Variants in SLK observed in about 807,000 individuals in gnomAD.
SLK encodes the protein STE20 like kinase.
In SLK, 67 loss-of-function variants were observed where a neutral mutation model predicts 147.7. The ratio of observed to expected loss-of-function variants is 0.45; its 90% CI spans 0.37 to 0.56. The LOEUF is 0.56. Ranked by LOEUF, SLK falls within the 20% of genes least tolerant of loss-of-function variation. The pLI is 0.00. For synonymous variants in SLK, 441 were observed against 475.0 expected (o/e 0.93, Z 0.93); for missense variants, 1,136 against 1,438.8 (o/e 0.79, Z 3.41).
At chr10:103,982,982 A>G (rs1392801164) in intron 1 of SLK, among the ~76,000 whole-genome samples, 1 of 152,234 alleles carries the variant, frequency 6.6e-6, no homozygotes, top group Non-Finnish European at 1.5e-5. Context: ...CTTTTGTAAA[A>G]TAAAGAAAGG....
Position 104,003,079 on chromosome 10 carries a change from C to T in SLK, c.1901C>T (p.Pro634Leu). The T allele has an allele frequency of 6.2e-7, 1 of 1,613,898 alleles. No individual in the cohort carries two copies. The highest frequency in any genetic ancestry group is 8.5e-7 in the Non-Finnish European group (1 of 1,179,894). Residue 634 changes from proline to leucine, a missense_variant, in exon 9 of 19, where the codon CCA (proline) becomes CTA (leucine). Coordinates refer to ENST00000369755, the MANE Select transcript of SLK (RefSeq NM_014720.4). ...AACATAATGGACATCAATGAGGAAC[C>T]AGGAACAACTGAAGGTGAAGAAATC... ...SENIMDINEE[P>L]GTTEGEEITE...
intron 1 of SLK, among the ~76,000 whole-genome samples, chr10:103,971,117 A>G (rs967197438): frequency 9.2e-5 from 14 of 152,176 alleles, no homozygotes; most frequent in Non-Finnish European, 1.5e-4. Flanking sequence ...AGCACTGTAC[A>G]CATTTAACAG....
chr10:103,972,401 G>T (rs938880045), intron 1 of SLK, among the ~76,000 whole-genome samples: 1 of 152,120 alleles, frequency 6.6e-6, no homozygotes, highest in Non-Finnish European at 1.5e-5. Context: ...TGCCAGGCGC[G>T]GTGGCTCATG....
At chr10:103,989,533 AT>A (rs1486334465) in intron 1 of SLK, among the ~76,000 whole-genome samples, 1 of 133,640 alleles carries the variant, frequency 7.5e-6, no homozygotes, top group Non-Finnish European at 1.5e-5. Context: ...CAGTGGCGCA[AT>A]TTCGGCTCAC....
intron 12 of SLK, among the ~76,000 whole-genome samples, 153 bp downstream of exon 12, chr10:104,008,509 T>C (rs2134509690): frequency 6.6e-6 from 1 of 152,228 alleles, no homozygotes; most frequent in Middle Eastern, 3.4e-3. Context: ...TCATATAGAG[T>C]TGTCATAAGG....
chr10:103,979,166 C>T (rs1015752929), intron 1 of SLK, among the ~76,000 whole-genome samples: 4 of 152,168 alleles, frequency 2.6e-5, no homozygotes, highest in Non-Finnish European at 5.9e-5. Context: ...CAGGCGCCCG[C>T]CACCACACCC....
intron 8 of SLK, 92 bp downstream of exon 8, chr10:104,001,664 G>A (rs574103698): frequency 1.7e-5 from 23 of 1,371,506 alleles, no homozygotes; most frequent in South Asian, 5.3e-5. Flanking sequence ...GGGTGGCAAC[G>A]CAAAACCTTT....
intron 1 of SLK, among the ~76,000 whole-genome samples, chr10:103,975,576 T>C (rs1456519350): frequency 1.3e-5 from 2 of 152,216 alleles, no homozygotes; most frequent in Admixed American, 1.3e-4. Context: ...ATATAATCAT[T>C]TACATGATTC....
intron 1 of SLK, among the ~76,000 whole-genome samples, chr10:103,983,446 G>A (rs568334331): frequency 6.6e-6 from 1 of 152,310 alleles, no homozygotes; most frequent in African/African-American, 2.4e-5. Context: ...GATTATGCCA[G>A]TTCTTAATCT....
At chr10:104,010,794 C>T (rs755543855) in intron 12 of SLK, 22 bp from the exon 13 acceptor site, 1 of 1,440,324 alleles carries the variant, frequency 6.9e-7, no homozygotes, top group Non-Finnish European at 9.3e-7. Flanking sequence ...TTCCCCACCT[C>T]CTGCATGCTT....
At chr10:103,994,732 C>T (rs951226390) in intron 4 of SLK, among the ~76,000 whole-genome samples, 1 of 152,146 alleles carries the variant, frequency 6.6e-6, no homozygotes, top group Non-Finnish European at 1.5e-5. Flanking sequence ...CTTAGAGGGG[C>T]TAGTAATGAA....
At chr10:104,018,093 C>T in intron 13 of SLK, 67 bp from the exon 14 acceptor site, 1 of 1,310,534 alleles carries the variant, frequency 7.6e-7, no homozygotes, top group Non-Finnish European at 1.1e-6. Flanking sequence ...ATATATACAG[C>T]CATATAGATA....
At chr10:104,012,802 T>G (rs1221522996) in intron 13 of SLK, among the ~76,000 whole-genome samples, 1 of 152,234 alleles carries the variant, frequency 6.6e-6, no homozygotes, top group African/African-American at 2.4e-5. Context: ...AGGAAGTCCT[T>G]GCTGGCCACA....
rs963907071 is a variant in SLK at position 104,026,678 on chromosome 10, A to T, written c.*958A>T. The T allele has an allele frequency of 2.0e-5, 3 of 152,216 alleles. No individual in the cohort carries two copies. The highest frequency in any genetic ancestry group is 4.4e-5 in the Non-Finnish European group (3 of 68,042). 9.4% of individuals were successfully genotyped at this position (152,216 alleles called of 1,614,324 possible). A position where few individuals can be genotyped will look rare whatever the true frequency, so the allele number is the denominator to read the frequency against. On this transcript the variant is annotated 3_prime_UTR_variant, in exon 19 of 19. Transcript: ENST00000369755. ...GTTTAAAACTCTGTCAGAGGCCTGC[A>T]GGCTGTGAGTTATATTTATAAATAT...
intron 12 of SLK, among the ~76,000 whole-genome samples, chr10:104,008,754 T>C (rs79758593): frequency 0.041 from 6,177 of 152,340 alleles, 226 homozygotes; most frequent in South Asian, 0.11. Flanking sequence ...GAAAACTTAC[T>C]ATGTTGTGTT....
At chr10:103,981,123 C>T (rs1843935826) in intron 1 of SLK, among the ~76,000 whole-genome samples, 1 of 152,030 alleles carries the variant, frequency 6.6e-6, no homozygotes, top group South Asian at 2.1e-4. Context: ...ATTTGTATAT[C>T]TTCCTGGGAG....
At chr10:104,019,049 T>G (rs1844500919) in intron 15 of SLK, 141 bp downstream of exon 15, 1 of 782,458 alleles carries the variant, frequency 1.3e-6, no homozygotes, top group East Asian at 2.9e-5. Context: ...GGATGAAGTT[T>G]GGAGTAATTA....
At chr10:104,001,968 G>A (rs913953958) in intron 8 of SLK, among the ~76,000 whole-genome samples, 2 of 152,092 alleles carry the variant, frequency 1.3e-5, no homozygotes, top group African/African-American at 2.4e-5. Context: ...TTCCCTCCTC[G>A]GTCTCCCAAA....
rs747874935 is a variant in SLK at position 103,999,020 on chromosome 10, ATAAT to A, written c.587+52_587+55del. On this transcript the variant is annotated intron_variant, in intron 5 of 18. Transcript: ENST00000369755. ...TATAGTATTAGTCATGTCAGCAGTTATAATTACTCATGAATTTTTGTCCACATAA... is the reference window on the plus strand; with the variant it reads ...TATAGTATTAGTCATGTCAGCAGTTATACTCATGAATTTTTGTCCACATAA... 3.9e-6 allele frequency: 6 copies of A among 1,532,428 alleles called. No homozygotes were observed. The Admixed American group carries it at 5.3e-5, about 13-fold the overall frequency. 94.9% of individuals were successfully genotyped at this position (1,532,428 alleles called of 1,614,324 possible). A position where few individuals can be genotyped will look rare whatever the true frequency, so the allele number is the denominator to read the frequency against.
Sources: gnomAD v4.1 joint callset for allele counts (sites outside exome capture counted in the v4.1 genomes callset) on GRCh38, gnomAD v4.1.1 for gene constraint, MANE v1.5 for transcripts, NCBI Gene and HGNC (gene_info 2026-07-23, HGNC 2026-07-21) for gene names.